CCDC171: variants seen among roughly 807,000 people sequenced by gnomAD.
The protein encoded by CCDC171 is coiled-coil domain containing 171.
A neutral mutation model predicts 168.2 loss-of-function variants in CCDC171; 177 were observed. The observed-to-expected ratio is 1.05, with a 90% CI of 0.93 to 1.19. CCDC171 has a LOEUF of 1.19. Ranked by LOEUF, CCDC171 falls within the 50% of genes most tolerant of loss-of-function variation. The pLI is 0.00. For synonymous variants in CCDC171, 687 were observed against 540.8 expected (o/e 1.27, Z -3.75); for missense variants, 1,991 against 1,539.0 (o/e 1.29, Z -4.91).
chr9:15,814,856 A>G (rs189123757), intron 21 of CCDC171, among the ~76,000 whole-genome samples: 29 of 152,308 alleles, frequency 1.9e-4, no homozygotes, highest in Middle Eastern at 3.4e-3. Flanking sequence ...ACTTGTCTTC[A>G]TGAATATTGT....
chr9:15,829,968 G>C (rs963571352), intron 21 of CCDC171, among the ~76,000 whole-genome samples: 1 of 152,110 alleles, frequency 6.6e-6, no homozygotes, highest in Non-Finnish European at 1.5e-5. Flanking sequence ...TATAATTATG[G>C]CATAATAGTA....
At chr9:15,626,332 C>G (rs2045102682) in intron 7 of CCDC171, among the ~76,000 whole-genome samples, 1 of 152,152 alleles carries the variant, frequency 6.6e-6, no homozygotes, top group Non-Finnish European at 1.5e-5. Flanking sequence ...TTGCCCTGGC[C>G]AGAACTTCCA....
chr9:15,617,030 A>G (rs979379433), intron 6 of CCDC171, among the ~76,000 whole-genome samples: 5 of 152,224 alleles, frequency 3.3e-5, no homozygotes, highest in Non-Finnish European at 7.3e-5. Flanking sequence ...GGGAGCAGGC[A>G]TGTCACATGG....
At chr9:15,986,202 G>T (rs990205126) in intron 3 of CCDC171, among the ~76,000 whole-genome samples, 2 of 152,274 alleles carry the variant, frequency 1.3e-5, no homozygotes, top group Middle Eastern at 3.4e-3. Context: ...CTGCTGATAG[G>T]CAAAAGGTAA....
At chr9:15,984,021 G>A (rs997322021) in intron 3 of CCDC171, among the ~76,000 whole-genome samples, 3 of 152,184 alleles carry the variant, frequency 2.0e-5, no homozygotes, top group African/African-American at 7.2e-5. Flanking sequence ...GAGACCAGGA[G>A]CATCTGTAGT....
intron 6 of CCDC171, among the ~76,000 whole-genome samples, chr9:15,605,673 C>A: frequency 7.2e-6 from 1 of 138,910 alleles, no homozygotes. Flanking sequence ...GGCGACAGAG[C>A]GAGACTCTGT....
chr9:15,782,156 A>G (rs1485411832), intron 20 of CCDC171, among the ~76,000 whole-genome samples: 1 of 152,196 alleles, frequency 6.6e-6, no homozygotes, highest in East Asian at 1.9e-4. Flanking sequence ...TTTCAGAAAA[A>G]GTGTATTGGA....
At chr9:15,657,866 A>G (rs2048055747) in intron 8 of CCDC171, among the ~76,000 whole-genome samples, 1 of 152,190 alleles carries the variant, frequency 6.6e-6, no homozygotes, top group Non-Finnish European at 1.5e-5. Flanking sequence ...GAGAATGAGA[A>G]GGAATTTCTA....
intron 7 of CCDC171, among the ~76,000 whole-genome samples, chr9:15,644,028 C>T (rs1208258863): frequency 1.3e-5 from 2 of 152,218 alleles, no homozygotes; most frequent in East Asian, 3.9e-4. Context: ...AAAAATGGTG[C>T]TATAAACTTT....
chr9:15,863,233 G>A (rs778403753), intron 23 of CCDC171, among the ~76,000 whole-genome samples: 1 of 151,944 alleles, frequency 6.6e-6, no homozygotes, highest in South Asian at 2.1e-4. Context: ...TGGTAATAAC[G>A]ATGCTGTGCT....
At chr9:15,947,360 C>G (rs80175367) in intron 25 of CCDC171, among the ~76,000 whole-genome samples, 7,016 of 151,842 alleles carry the variant, frequency 0.046, 368 homozygotes, top group South Asian at 0.12. Flanking sequence ...TTCCCATTTC[C>G]CCCATCTCCC....
intron 6 of CCDC171, among the ~76,000 whole-genome samples, chr9:15,611,291 C>A (rs1021671754): frequency 6.6e-6 from 1 of 152,138 alleles, no homozygotes; most frequent in Non-Finnish European, 1.5e-5. Flanking sequence ...TATAAATTAC[C>A]CATTCTCACA....
chr9:15,856,613 A>T (rs2061357784), intron 23 of CCDC171, among the ~76,000 whole-genome samples: 1 of 151,998 alleles, frequency 6.6e-6, no homozygotes, highest in African/African-American at 2.4e-5. Flanking sequence ...CTCTCAATAG[A>T]CATTTAGGTT....
chr9:15,999,211 A>G (rs1341513659), intron 3 of CCDC171, among the ~76,000 whole-genome samples: 1 of 151,604 alleles, frequency 6.6e-6, no homozygotes, highest in African/African-American at 2.4e-5. Context: ...ACCCTTTTGA[A>G]AAAAAAAGGA....
chr9:15,951,775 A>G (rs1829210656), intron 25 of CCDC171, among the ~76,000 whole-genome samples: 1 of 152,122 alleles, frequency 6.6e-6, no homozygotes, highest in South Asian at 2.1e-4. Context: ...CCCTTAACAG[A>G]TACATGATTT....
intron 7 of CCDC171, among the ~76,000 whole-genome samples, chr9:15,644,607 G>C (rs902790380): frequency 6.6e-6 from 1 of 152,246 alleles, no homozygotes; most frequent in Non-Finnish European, 1.5e-5. Flanking sequence ...CCCGCACCTG[G>C]CTCGGAGAGT....
At chr9:15,557,360 T>A (rs1004812751) in intron 1 of CCDC171, among the ~76,000 whole-genome samples, 17 of 152,150 alleles carry the variant, frequency 1.1e-4, no homozygotes, top group African/African-American at 3.1e-4. Context: ...ATATTAATTC[T>A]TCCTATCCAT....
At chr9:15,746,906 G>C (rs2055332612) in intron 18 of CCDC171, among the ~76,000 whole-genome samples, 1 of 152,200 alleles carries the variant, frequency 6.6e-6, no homozygotes, top group African/African-American at 2.4e-5. Context: ...CAAATACTCA[G>C]CTTTTCCCAC....
chr9:15,701,083 C>T (rs543384428), intron 11 of CCDC171, among the ~76,000 whole-genome samples: 7 of 152,078 alleles, frequency 4.6e-5, no homozygotes, highest in Admixed American at 1.3e-4. Context: ...TTACTGGGAT[C>T]GTTTGGGTGT....
Sources: gnomAD v4.1 joint callset for allele counts (sites outside exome capture counted in the v4.1 genomes callset) on GRCh38, gnomAD v4.1.1 for gene constraint, MANE v1.5 for transcripts, NCBI Gene and HGNC (gene_info 2026-07-23, HGNC 2026-07-21) for gene names.